SEMA6D: variants seen among roughly 807,000 people sequenced by gnomAD.
The protein encoded by SEMA6D is semaphorin-6D.
A neutral mutation model predicts 106.6 loss-of-function variants in SEMA6D; 35 were observed. The ratio of observed to expected loss-of-function variants is 0.33; its 90% CI spans 0.25 to 0.44. The LOEUF is 0.44. Ranked by LOEUF, SEMA6D falls within the 20% of genes least tolerant of loss-of-function variation. SEMA6D has a pLI of 1.00. For synonymous variants in SEMA6D, 499 were observed against 487.7 expected, an observed-to-expected ratio of 1.02 and a Z score of -0.31; for missense variants, 1,185 against 1,345.9, an observed-to-expected ratio of 0.88 and a Z score of 1.87.
At chr15:47,436,048 C>T (rs2041689676) in intron 2 of SEMA6D, among the ~76,000 whole-genome samples, 1 of 152,028 alleles carries the variant, frequency 6.6e-6, no homozygotes. Flanking sequence ...TTGAATGACT[C>T]TATGGAGGAA....
intron 4 of SEMA6D, among the ~76,000 whole-genome samples, chr15:47,687,489 A>G (rs1270945152): frequency 6.6e-6 from 1 of 152,190 alleles, no homozygotes; most frequent in African/African-American, 2.4e-5. Flanking sequence ...AGCTAAGTGA[A>G]GCAGAGAAAT....
intron 3 of SEMA6D, among the ~76,000 whole-genome samples, chr15:47,587,772 A>C (rs76897740): frequency 0.049 from 6,364 of 129,490 alleles, 190 homozygotes; most frequent in Middle Eastern, 0.12. Context: ...AGCAATAAAA[A>C]CATTTTTTAC....
chr15:47,219,044 T>C (rs282501), intron 1 of SEMA6D, among the ~76,000 whole-genome samples: 6,847 of 152,360 alleles, frequency 0.045, 191 homozygotes, highest in South Asian at 0.12. Flanking sequence ...GGCATTGGCA[T>C]TGCAACATTT....
At chr15:47,318,212 A>G (rs544162056) in intron 1 of SEMA6D, among the ~76,000 whole-genome samples, 8 of 150,196 alleles carry the variant, frequency 5.3e-5, no homozygotes, top group African/African-American at 1.9e-4. Context: ...CTTTTATAGA[A>G]GTTGCGAATA....
At chr15:47,428,009 T>A (rs2041399677) in intron 2 of SEMA6D, among the ~76,000 whole-genome samples, 2 of 152,246 alleles carry the variant, frequency 1.3e-5, no homozygotes, top group South Asian at 4.1e-4. Flanking sequence ...GACAAATTAC[T>A]TTGAAATAGC....
At chr15:47,452,381 A>G (rs1198878731) in intron 2 of SEMA6D, among the ~76,000 whole-genome samples, 5 of 151,330 alleles carry the variant, frequency 3.3e-5, no homozygotes. Context: ...CAGCTTTGAC[A>G]CTTAGCATCT....
rs186223247 is a variant in SEMA6D at position 47,550,509 on chromosome 15, T to C, written c.-86-50356T>C. 9.8e-3 allele frequency among the ~76,000 whole-genome samples: 1,495 copies of C among 152,292 alleles called. 10 individuals carry two copies. The highest frequency in any genetic ancestry group is 0.021 in the Admixed American group (318 of 15,280). ...GTAGGATACAATATGTATTCCCTAC[T>C]GTGAGAACTAGACTACAGCCAAGGA... is the stretch of plus-strand genomic sequence containing the variant. On this transcript the variant is annotated intron_variant, in intron 3 of 19. Coordinates refer to the SEMA6D transcript ENST00000558014.
chr15:47,429,245 C>T (rs2041446902), intron 2 of SEMA6D, among the ~76,000 whole-genome samples: 1 of 152,100 alleles, frequency 6.6e-6, no homozygotes, highest in African/African-American at 2.4e-5. Flanking sequence ...GGCTCTGCTG[C>T]TTACTACCTG....
chr15:47,580,333 G>A (rs887305802), intron 3 of SEMA6D, among the ~76,000 whole-genome samples: 2 of 152,094 alleles, frequency 1.3e-5, no homozygotes, highest in Admixed American at 6.5e-5. Context: ...GGTTTTTCAC[G>A]AACTCTGCAA....
At chr15:47,626,018 C>A (rs1174567068) in intron 4 of SEMA6D, among the ~76,000 whole-genome samples, 1 of 152,034 alleles carries the variant, frequency 6.6e-6, no homozygotes, top group African/African-American at 2.4e-5. Context: ...AGGAAGGGGG[C>A]CTGGGGCAGG....
chr15:47,273,265 A>C (rs531240396), intron 1 of SEMA6D, among the ~76,000 whole-genome samples: 23 of 148,548 alleles, frequency 1.5e-4, no homozygotes, highest in African/African-American at 5.7e-4. Flanking sequence ...AAAAAAAAGC[A>C]CCACAGAAGT....
At chr15:47,348,721 C>CAGAGAGAGAGAGAGAGAGAGAGAGAG (rs1313096616) in intron 1 of SEMA6D, among the ~76,000 whole-genome samples, 2 of 24,676 alleles carry the variant, frequency 8.1e-5, no homozygotes, top group African/African-American at 2.0e-4. Flanking sequence ...ACACACACCA[C>CAGAGAGAGAGAGAGAGAGAGAGAGAG]ACACACAGAG....
intron 3 of SEMA6D, among the ~76,000 whole-genome samples, chr15:47,545,210 T>G (rs893389939): frequency 2.0e-5 from 3 of 152,178 alleles, no homozygotes; most frequent in African/African-American, 7.2e-5. Context: ...AACATCAATC[T>G]GCTTTGATTG....
rs577508400 is a variant in SEMA6D at position 47,252,168 on chromosome 15, C to T, written c.-239+67750C>T. Among the ~76,000 whole-genome samples the T allele has an allele frequency of 1.6e-3, 238 of 145,492 alleles. 9 individuals are homozygous for T. Among genetic ancestry groups the T allele is most frequent in the Middle Eastern group, 6.9e-3 (2 of 290 alleles). On this transcript the variant is annotated intron_variant, in intron 1 of 19. Coordinates refer to the SEMA6D transcript ENST00000558014. ...TCCTGACCTCGTGATCCGCCCGCCT[C>T]GGCCTCCCAAAGTGCTGGGATTACA...
chr15:47,658,029 C>CA (rs1310938557), intron 4 of SEMA6D, among the ~76,000 whole-genome samples: 1 of 151,756 alleles, frequency 6.6e-6, no homozygotes, highest in African/African-American at 2.4e-5. Flanking sequence ...CGTGAGCCAC[C>CA]ACGCCCAGCA....
At position 47,476,729 on chromosome 15, in the gene SEMA6D, C is replaced by T. The variant is rs2043012211; in HGVS notation, c.-87+6184C>T. Among the ~76,000 whole-genome samples, 4 of 152,234 alleles carry T rather than the reference C, an allele frequency of 2.6e-5. No homozygotes were observed. The South Asian group carries it at 8.3e-4, about 32-fold the overall frequency. Reference sequence around the variant, plus strand: ...TAATTCAGTCCGTTGTTTGTTTCTCCCATGAACTCATGCCATTTACTCTGG... The same window carrying T: ...TAATTCAGTCCGTTGTTTGTTTCTCTCATGAACTCATGCCATTTACTCTGG... On this transcript the variant is annotated intron_variant, in intron 3 of 19. Transcript: ENST00000558014.
At chr15:47,279,922 G>A (rs1431910473) in intron 1 of SEMA6D, among the ~76,000 whole-genome samples, 36 of 150,612 alleles carry the variant, frequency 2.4e-4, no homozygotes, top group African/African-American at 2.2e-4. Flanking sequence ...TACTGGATTC[G>A]GTTTGCCAGT....
At chr15:47,249,279 C>T (rs1010307345) in intron 1 of SEMA6D, among the ~76,000 whole-genome samples, 1 of 152,034 alleles carries the variant, frequency 6.6e-6, no homozygotes, top group Non-Finnish European at 1.5e-5. Flanking sequence ...ACTAGCTGTG[C>T]TCTAGGACCT....
intron 1 of SEMA6D, among the ~76,000 whole-genome samples, chr15:47,187,934 A>G (rs1199826544): frequency 6.6e-6 from 1 of 152,156 alleles, no homozygotes; most frequent in African/African-American, 2.4e-5. Context: ...TTTGACCTTT[A>G]AAAGTCCGAG....
Sources: gnomAD v4.1 joint callset for allele counts (sites outside exome capture counted in the v4.1 genomes callset) on GRCh38, gnomAD v4.1.1 for gene constraint, MANE v1.5 for transcripts, NCBI Gene and HGNC (gene_info 2026-07-23, HGNC 2026-07-21) for gene names.